HHIP: variants seen among roughly 807,000 people sequenced by gnomAD.
The protein encoded by HHIP is hedgehog interacting protein.
In HHIP, 12 loss-of-function variants were observed where a neutral mutation model predicts 74.0. The observed-to-expected ratio is 0.16, with a 90% CI of 0.10 to 0.26. The LOEUF (loss-of-function observed/expected upper bound fraction) is 0.26. Ranked by LOEUF, HHIP falls within the 10% of genes least tolerant of loss-of-function variation. The pLI is 1.00. For missense variants in HHIP, 788 were observed against 845.0 expected, an observed-to-expected ratio of 0.93 and a Z score of 0.84; for synonymous variants, 309 against 311.6, an observed-to-expected ratio of 0.99 and a Z score of 0.09.
At chr4:144,652,354 G>A (rs1728447298) in intron 1 of HHIP, among the ~76,000 whole-genome samples, 1 of 152,012 alleles carries the variant, frequency 6.6e-6, no homozygotes, top group South Asian at 2.1e-4. Flanking sequence ...CTGAAGTACA[G>A]ATGAAATCTT....
At position 144,682,905 on chromosome 4, in the gene HHIP, C is replaced by A. The variant is rs915763762; in HGVS notation, c.831+23067C>A. On this transcript the variant is annotated intron_variant, in intron 4 of 12. Transcript: ENST00000296575. ...CCCAGTCTTTTTAGTTTAATGAGAG[C>A]AAATTCCAGTTCTTGTCTCAAATGC... 2.6e-4 allele frequency among the ~76,000 whole-genome samples: 39 copies of A among 152,122 alleles called. 1 individual carries two copies. The highest frequency in any genetic ancestry group is 5.7e-4 in the Non-Finnish European group (39 of 68,004).
At chr4:144,700,946 C>G (rs998577828) in intron 4 of HHIP, among the ~76,000 whole-genome samples, 2 of 152,176 alleles carry the variant, frequency 1.3e-5, no homozygotes, top group African/African-American at 4.8e-5. Context: ...GCAAATAGTT[C>G]CAGTCTAAGA....
intron 4 of HHIP, among the ~76,000 whole-genome samples, chr4:144,666,990 G>C (rs1233623210): frequency 2.6e-5 from 4 of 152,174 alleles, no homozygotes; most frequent in African/African-American, 9.6e-5. Flanking sequence ...AGGAGGGGAA[G>C]AAGGAAAATA....
At position 144,726,296 on chromosome 4, in the gene HHIP, T is replaced by A. The variant is rs1203210468; in HGVS notation, c.1760+7340T>A. Among the ~76,000 whole-genome samples, 3 of 152,300 alleles carry A rather than the reference T, an allele frequency of 2.0e-5. No homozygotes were observed. In the East Asian group the frequency reaches 5.8e-4, roughly 29 times the overall value. ...ATATAATCCAAGATTTCTGATTTCATTAAGTCCTGATTTCATTAGAAGCAT... is the reference window on the plus strand; with the variant it reads ...ATATAATCCAAGATTTCTGATTTCAATAAGTCCTGATTTCATTAGAAGCAT... On this transcript the variant is annotated intron_variant, in intron 11 of 12. Coordinates refer to ENST00000296575, the MANE Select transcript of HHIP (RefSeq NM_022475.3).
chr4:144,736,159 G>A (rs1731114113), intron 12 of HHIP, among the ~76,000 whole-genome samples: 1 of 131,326 alleles, frequency 7.6e-6, no homozygotes, highest in South Asian at 2.5e-4. Flanking sequence ...TTTTTGAGGT[G>A]GAGTCTCTCT....
intron 4 of HHIP, among the ~76,000 whole-genome samples, chr4:144,664,119 T>C (rs1472134463): frequency 1.3e-5 from 2 of 152,182 alleles, no homozygotes; most frequent in African/African-American, 2.4e-5. Context: ...TTGTCTATCA[T>C]TGGAACAAGT....
chr4:144,731,821 G>A (rs1013051652), intron 11 of HHIP, among the ~76,000 whole-genome samples: 1 of 152,144 alleles, frequency 6.6e-6, no homozygotes, highest in Admixed American at 6.5e-5. Flanking sequence ...TGGTATAAAT[G>A]TCATCTCTCT....
At chr4:144,688,871 G>C (rs78899833) in intron 4 of HHIP, among the ~76,000 whole-genome samples, 2 of 152,092 alleles carry the variant, frequency 1.3e-5, no homozygotes, top group South Asian at 2.1e-4. Context: ...TTTAAAGTGG[G>C]AGCACCAAAA....
intron 11 of HHIP, among the ~76,000 whole-genome samples, chr4:144,722,055 C>G (rs1730654460): frequency 6.6e-6 from 1 of 152,268 alleles, no homozygotes; most frequent in South Asian, 2.1e-4. Flanking sequence ...ACACCAGTCA[C>G]CCAGTTGGCT....
chr4:144,738,569 T>C lies in HHIP; in HGVS notation c.*612T>C. ...TGGTTATTTCATCTTAATCTCAAGA[T>C]TGTTTTCAAGTGTTTTATAATTAAA... On this transcript the variant is annotated 3_prime_UTR_variant, in exon 13 of 13. Coordinates refer to ENST00000296575, the MANE Select transcript of HHIP (RefSeq NM_022475.3). 1 of 826,552 alleles carries C rather than the reference T, an allele frequency of 1.2e-6. No individual in the cohort carries two copies. The highest frequency in any genetic ancestry group is 1.5e-6 in the Non-Finnish European group (1 of 685,054). 51.2% of individuals were successfully genotyped at this position (826,552 alleles called of 1,614,324 possible).
At chr4:144,648,448 A>T (rs1367167222) in intron 1 of HHIP, 1 of 152,152 alleles carries the variant, frequency 6.6e-6, no homozygotes, top group Non-Finnish European at 1.5e-5. Flanking sequence ...CTCTCTTTTT[A>T]TTCTTACCAT....
At chr4:144,654,497 C>T (rs543872579) in intron 2 of HHIP, among the ~76,000 whole-genome samples, 46 of 152,206 alleles carry the variant, frequency 3.0e-4, no homozygotes, top group African/African-American at 1.1e-3. Flanking sequence ...GAGGGGGCTG[C>T]CCCTGCGTAC....
chr4:144,721,600 A>G (rs1452316320), intron 11 of HHIP, among the ~76,000 whole-genome samples: 1 of 151,782 alleles, frequency 6.6e-6, no homozygotes, highest in Admixed American at 6.6e-5. Context: ...TAAGGAAAAA[A>G]AAAAAAAAAA....
intron 4 of HHIP, among the ~76,000 whole-genome samples, chr4:144,692,988 T>C (rs772164655): frequency 2.0e-5 from 3 of 152,116 alleles, no homozygotes; most frequent in African/African-American, 7.2e-5. Context: ...CATGAGGACA[T>C]GGAAGCAACT....
chr4:144,698,670 A>C (rs1729891106), intron 4 of HHIP, among the ~76,000 whole-genome samples: 1 of 152,200 alleles, frequency 6.6e-6, no homozygotes, highest in Admixed American at 6.5e-5. Context: ...AAAGTAGAGG[A>C]AATTTTAATG....
chr4:144,715,625 T>C, intron 10 of HHIP, 195 bp downstream of exon 10: 1 of 378,156 alleles, frequency 2.6e-6, no homozygotes, highest in Non-Finnish European at 4.6e-6. Flanking sequence ...CCTGAGAGCC[T>C]TTATATTTTA....
At chr4:144,714,875 A>G in intron 9 of HHIP, 1 of 158,802 alleles carries the variant, frequency 6.3e-6, no homozygotes, top group Admixed American at 6.1e-5. Context: ...ATCCAAATTA[A>G]GAATCTTGTT....
intron 4 of HHIP, among the ~76,000 whole-genome samples, chr4:144,691,117 C>T (rs900141256): frequency 6.6e-6 from 1 of 152,118 alleles, no homozygotes; most frequent in Non-Finnish European, 1.5e-5. Context: ...ATCTTACATG[C>T]ATCTCTGATA....
intron 4 of HHIP, among the ~76,000 whole-genome samples, chr4:144,672,290 T>G (rs1004512445): frequency 2.6e-5 from 4 of 152,228 alleles, no homozygotes; most frequent in African/African-American, 9.7e-5. Context: ...TGTATGATCA[T>G]CATTGCTCTA....
Sources: allele counts gnomAD v4.1 joint callset (sites outside exome capture counted in the v4.1 genomes callset), GRCh38; gene constraint gnomAD v4.1.1; transcripts MANE v1.5; gene names NCBI Gene and HGNC (gene_info 2026-07-23, HGNC 2026-07-21).